Variants in EYA1 observed in about 807,000 individuals in gnomAD.
EYA1 encodes the protein EYA transcriptional coactivator and phosphatase 1.
A neutral mutation model predicts 82.0 loss-of-function variants in EYA1; 16 were observed. The ratio of observed to expected loss-of-function variants is 0.20; its 90% CI spans 0.13 to 0.30. The LOEUF (loss-of-function observed/expected upper bound fraction) is 0.30. EYA1 is among the 10% of genes least tolerant of loss of function. The probability of loss-of-function intolerance (pLI) is 1.00; values close to 1 mark genes in which losing one functional copy is unlikely to be tolerated. For synonymous variants in EYA1, 261 were observed against 264.4 expected, an observed-to-expected ratio of 0.99 and a Z score of 0.12; for missense variants, 633 against 730.7, an observed-to-expected ratio of 0.87 and a Z score of 1.54.
chr8:71,444,545 G>A (rs2017137558), intron 2 of EYA1, among the ~76,000 whole-genome samples: 1 of 152,218 alleles, frequency 6.6e-6, no homozygotes, highest in Non-Finnish European at 1.5e-5. Flanking sequence ...GTCAAATTAA[G>A]ATGTAAGGAC....
intron 9 of EYA1, among the ~76,000 whole-genome samples, chr8:71,287,253 G>A (rs1319109814): frequency 6.6e-6 from 1 of 152,090 alleles, no homozygotes; most frequent in African/African-American, 2.4e-5. Flanking sequence ...TTTGTTTTCA[G>A]TCATAGAAAT....
chr8:71,300,589 G>T (rs561652051), intron 7 of EYA1, among the ~76,000 whole-genome samples: 5 of 151,958 alleles, frequency 3.3e-5, no homozygotes, highest in African/African-American at 1.2e-4. Context: ...GAGAAATTTC[G>T]TATGCCATTT....
intron 2 of EYA1, among the ~76,000 whole-genome samples, chr8:71,436,673 G>A (rs779504970): frequency 2.0e-5 from 3 of 152,054 alleles, no homozygotes; most frequent in East Asian, 1.9e-4. Context: ...TTCTAAAAGC[G>A]CCTGATGAGA....
At chr8:71,298,752 T>G (rs1819861310) in intron 9 of EYA1, among the ~76,000 whole-genome samples, 1 of 152,330 alleles carries the variant, frequency 6.6e-6, no homozygotes, top group South Asian at 2.1e-4. Flanking sequence ...TAGTTATAGC[T>G]AAGTATTTAT....
chr8:71,411,536 A>G (rs1176295486), intron 2 of EYA1, among the ~76,000 whole-genome samples: 1 of 148,014 alleles, frequency 6.8e-6, no homozygotes, highest in Non-Finnish European at 1.5e-5. Context: ...ATTTGCAAGA[A>G]AAAAACAAAC....
chr8:71,331,690 T>A (rs1422215399), intron 4 of EYA1, among the ~76,000 whole-genome samples: 2 of 152,114 alleles, frequency 1.3e-5, no homozygotes, highest in Admixed American at 6.5e-5. Flanking sequence ...TATGACTCTT[T>A]CATAACTTGC....
chr8:71,203,727 T>C (rs1035580106), intron 17 of EYA1, among the ~76,000 whole-genome samples: 3 of 151,880 alleles, frequency 2.0e-5, no homozygotes, highest in African/African-American at 7.3e-5. Flanking sequence ...CACAAATAGG[T>C]GGGGGCATTT....
chr8:71,472,319 AT>A (rs1809269053), intron 2 of EYA1, among the ~76,000 whole-genome samples: 1 of 152,112 alleles, frequency 6.6e-6, no homozygotes, highest in Non-Finnish European at 1.5e-5. Flanking sequence ...TTTCTAACAT[AT>A]TTAAAAAGCA....
At chr8:71,533,975 G>A (rs1056186117) in intron 2 of EYA1, among the ~76,000 whole-genome samples, 1 of 152,120 alleles carries the variant, frequency 6.6e-6, no homozygotes, top group African/African-American at 2.4e-5. Context: ...TTATTATGAT[G>A]GCCAAAATAA....
intron 2 of EYA1, among the ~76,000 whole-genome samples, chr8:71,406,666 T>G (rs7842257): frequency 2.0e-5 from 3 of 151,992 alleles, no homozygotes; most frequent in African/African-American, 2.4e-5. Context: ...CTTTTCAGAC[T>G]GGCTTAAAAA....
At chr8:71,430,903 G>GAA (rs10576758) in intron 2 of EYA1, among the ~76,000 whole-genome samples, 2,658 of 135,836 alleles carry the variant, frequency 0.02, 88 homozygotes, top group African/African-American at 0.067. Flanking sequence ...CTAGAAAGGA[G>GAA]AAAAAAAAAA....
Position 71,215,684 on chromosome 8 carries a change from C to T in EYA1, c.1405G>A (p.Ala469Thr), listed in dbSNP as rs1366511376. ...GAGTCGGTCAGGGCTTCAATTTCGG[C>T]CCTCAACTGCAGCCAGGCTTCCCTC... ...AKREAWLQLR[A>T]EIEALTDSWL... The change falls in exon 15 of 18, where the codon GCC becomes ACC. Residue 469 changes from alanine (A) to threonine (T), a missense_variant. Ala to Thr is a moderately conservative substitution (Grantham distance 58). Transcript: ENST00000340726. The T allele has an allele frequency of 6.2e-7, 1 of 1,614,144 alleles. No individual in the cohort carries two copies. The highest frequency in any genetic ancestry group is 1.7e-5 in the Admixed American group (1 of 60,018).
At chr8:71,277,824 A>C (rs2128962663) in intron 9 of EYA1, among the ~76,000 whole-genome samples, 1 of 152,336 alleles carries the variant, frequency 6.6e-6, no homozygotes, top group Non-Finnish European at 1.5e-5. Context: ...TATAAAGGTT[A>C]ATTATTTCTA....
chr8:71,457,064 GA>G (rs1285456665), intron 2 of EYA1, among the ~76,000 whole-genome samples: 2 of 151,822 alleles, frequency 1.3e-5, no homozygotes, highest in Non-Finnish European at 2.9e-5. Flanking sequence ...AAATTTACAA[GA>G]AAAAAACAAA....
At chr8:71,437,865 C>T (rs545604042) in intron 2 of EYA1, among the ~76,000 whole-genome samples, 2 of 151,728 alleles carry the variant, frequency 1.3e-5, no homozygotes, top group East Asian at 1.9e-4. Context: ...GTTGGAAAAA[C>T]AACTTTTGAT....
intron 11 of EYA1, among the ~76,000 whole-genome samples, chr8:71,261,146 G>A (rs1586053604): frequency 1.3e-5 from 2 of 152,142 alleles, no homozygotes; most frequent in East Asian, 3.9e-4. Context: ...AAACTATGCT[G>A]AAACATTGTT....
chr8:71,429,304 A>G (rs1805462074), intron 2 of EYA1, among the ~76,000 whole-genome samples: 1 of 152,176 alleles, frequency 6.6e-6, no homozygotes, highest in Admixed American at 6.5e-5. Context: ...TGTAACAAAA[A>G]TCACTTTCAT....
upstream of EYA1, among the ~76,000 whole-genome samples, chr8:71,363,209 A>G (rs1049674228): frequency 6.6e-6 from 1 of 152,166 alleles, no homozygotes; most frequent in Non-Finnish European, 1.5e-5. Flanking sequence ...AAAAATCACA[A>G]TAACTTTTTG....
rs1206478847 is a variant in EYA1, at chr8:71,222,637, A to G, written c.1141-5614T>C. ...GGCAGGTGCTCAGTTTCTCTCACTT[A>G]CACAGACTCCTAGTTCTTAAGTTGA... On this transcript the variant is annotated intron_variant, in intron 12 of 17. Coordinates refer to ENST00000340726, the MANE Select transcript of EYA1 (RefSeq NM_000503.6). Among the ~76,000 whole-genome samples, 3 of 152,352 alleles carry G rather than the reference A, an allele frequency of 2.0e-5. No individual in the cohort carries two copies. The East Asian group carries it at 5.8e-4, about 29-fold the overall frequency.
Sources: allele counts gnomAD v4.1 joint callset (sites outside exome capture counted in the v4.1 genomes callset), GRCh38; gene constraint gnomAD v4.1.1; transcripts MANE v1.5; gene names NCBI Gene and HGNC (gene_info 2026-07-23, HGNC 2026-07-21).